Variants in SCGN observed in about 807,000 individuals in gnomAD.
SCGN encodes secretagogin, EF-hand calcium binding protein, also known as secretagogin.
Under a neutral mutation model 39.7 loss-of-function variants are expected in SCGN, and 30 were observed. That is an observed-to-expected ratio of 0.76 (90% CI 0.57 to 1.03). The LOEUF (loss-of-function observed/expected upper bound fraction) is 1.03. Ranked by LOEUF, SCGN falls within the 50% of genes least tolerant of loss-of-function variation. The pLI is 0.00. For synonymous variants in SCGN, 106 were observed against 114.1 expected, an observed-to-expected ratio of 0.93 and a Z score of 0.45; for missense variants, 353 against 349.4, an observed-to-expected ratio of 1.01 and a Z score of -0.08.
chr6:25,695,317 T>C (rs7751690), intron 10 of SCGN, among the ~76,000 whole-genome samples: 148,883 of 152,282 alleles, frequency 0.98, 72,858 homozygotes, highest in South Asian at 1. Flanking sequence ...TAAGTATACA[T>C]CCATGAAACC....
chr6:25,670,776 T>C (rs1489577818), intron 6 of SCGN, among the ~76,000 whole-genome samples: 1 of 152,104 alleles, frequency 6.6e-6, no homozygotes, highest in Non-Finnish European at 1.5e-5. Flanking sequence ...CCATGGAGAG[T>C]AGTAAAGTAG....
intron 7 of SCGN, among the ~76,000 whole-genome samples, chr6:25,685,585 T>C (rs1181286607): frequency 6.6e-6 from 1 of 152,104 alleles, no homozygotes; most frequent in African/African-American, 2.4e-5. Context: ...CTATATATCC[T>C]CATGACTATG....
In SCGN at chr6:25,701,348, T is replaced by C. The variant is rs1364324900; in HGVS notation, c.*13T>C. 6.2e-7 allele frequency: 1 copy of C among 1,608,202 alleles called. No individual in the cohort carries two copies. The highest frequency in any genetic ancestry group is 2.2e-5 in the East Asian group (1 of 44,574). ...AATCAACCCATAATCCCAGACTGCT[T>C]TGCCTTTTGCTCTTACTATGTTTCT... On this transcript the variant is annotated 3_prime_UTR_variant, in exon 11 of 11. Transcript: ENST00000377961.
intron 10 of SCGN, among the ~76,000 whole-genome samples, chr6:25,694,580 C>G (rs1759815484): frequency 6.6e-6 from 1 of 152,208 alleles, no homozygotes; most frequent in African/African-American, 2.4e-5. Context: ...TCCTAGAGAC[C>G]AAGTCAGACT....
At chr6:25,697,355 A>T (rs765366432) in intron 10 of SCGN, among the ~76,000 whole-genome samples, 2 of 152,224 alleles carry the variant, frequency 1.3e-5, no homozygotes, top group Non-Finnish European at 2.9e-5. Context: ...TTACAGAATA[A>T]GGTTCTGGTT....
chr6:25,693,451 C>CAAAAAAAAAA (rs11376402), intron 10 of SCGN, among the ~76,000 whole-genome samples: 3 of 48,424 alleles, frequency 6.2e-5, no homozygotes, highest in Non-Finnish European at 1.1e-4. Context: ...GACTCCGTCT[C>CAAAAAAAAAA]AAAAAAAAAA....
At chr6:25,673,651 T>G (rs1221468530) in intron 6 of SCGN, among the ~76,000 whole-genome samples, 1 of 152,206 alleles carries the variant, frequency 6.6e-6, no homozygotes, top group Non-Finnish European at 1.5e-5. Context: ...TATGTCTGTT[T>G]AATTGCCCAC....
intron 2 of SCGN, among the ~76,000 whole-genome samples, chr6:25,657,329 T>G (rs1760245218): frequency 6.6e-6 from 1 of 152,184 alleles, no homozygotes; most frequent in Non-Finnish European, 1.5e-5. Context: ...ATTCCCTGTC[T>G]CTCCATCTAG....
intron 2 of SCGN, among the ~76,000 whole-genome samples, chr6:25,657,988 A>T (rs1760257332): frequency 1.3e-5 from 1 of 74,324 alleles, no homozygotes; most frequent in Non-Finnish European, 2.7e-5. Context: ...GTGTGTGTTC[A>T]TTTAGAAAGG....
chr6:25,675,403 C>A (rs759177224), intron 6 of SCGN, among the ~76,000 whole-genome samples: 2 of 152,220 alleles, frequency 1.3e-5, no homozygotes, highest in Non-Finnish European at 2.9e-5. Flanking sequence ...TGCTTGGCAA[C>A]GGTTATGTGC....
intron 1 of SCGN, 113 bp downstream of exon 1, chr6:25,652,598 G>T: frequency 1.1e-6 from 1 of 882,902 alleles, no homozygotes. Flanking sequence ...GACCTGGGTT[G>T]TTAATGCAGT....
At chr6:25,655,358 G>A (rs1760208860) in intron 2 of SCGN, among the ~76,000 whole-genome samples, 1 of 152,170 alleles carries the variant, frequency 6.6e-6, no homozygotes, top group African/African-American at 2.4e-5. Flanking sequence ...TGAGGATGCT[G>A]TGAGATATCT....
In SCGN at chr6:25,658,417, T is replaced by G. The variant is rs534387021; in HGVS notation, c.154-3135T>G. On this transcript the variant is annotated intron_variant, in intron 2 of 10. Transcript: ENST00000377961. ...CCATATGAGTATGTTTGGTTGATGT[T>G]GACAGAGTCAGACTGTCTAAGTCCT... 1.5e-4 allele frequency among the ~76,000 whole-genome samples: 23 copies of G among 152,192 alleles called. No individual in the cohort carries two copies. In the South Asian group the frequency reaches 4.6e-3, roughly 30 times the overall value.
chr6:25,683,457 G>A (rs1372499317), intron 7 of SCGN, among the ~76,000 whole-genome samples: 1 of 152,200 alleles, frequency 6.6e-6, no homozygotes, highest in Non-Finnish European at 1.5e-5. Context: ...TGTGCCCTGG[G>A]AGGCTGGGGT....
chr6:25,670,123 C>A (rs79348589), intron 6 of SCGN, 47 bp downstream of exon 6: 52,539 of 1,267,582 alleles, frequency 0.041, 1,578 homozygotes, highest in South Asian at 0.11. Flanking sequence ...TCCCCCACTC[C>A]CTCCCCAGAC....
intron 6 of SCGN, among the ~76,000 whole-genome samples, chr6:25,680,321 G>T (rs1238754226): frequency 6.6e-6 from 1 of 152,162 alleles, no homozygotes; most frequent in Non-Finnish European, 1.5e-5. Context: ...GAGCTACAGA[G>T]GCCCCAGGAA....
rs1760224939 is a variant in SCGN, at chr6:25,656,257, C to T, written c.153+2805C>T. 2.6e-5 allele frequency among the ~76,000 whole-genome samples: 4 copies of T among 152,306 alleles called. 1 individual carries two copies. The South Asian group carries it at 8.3e-4, about 32-fold the overall frequency. On this transcript the variant is annotated intron_variant, in intron 2 of 10. Coordinates refer to ENST00000377961, the MANE Select transcript of SCGN (RefSeq NM_006998.4). ...CAGCAGGGAGGCCTCCACAATCAGG[C>T]AGCCCCTTGCTCTGGTGTTCAGCAG...
intron 10 of SCGN, among the ~76,000 whole-genome samples, chr6:25,694,476 C>T (rs1272935828): frequency 5.9e-5 from 9 of 152,178 alleles, no homozygotes; most frequent in Non-Finnish European, 1.0e-4. Context: ...TGAAGATCCT[C>T]GCCCCTTTTA....
chr6:25,657,072 G>A (rs1037552089), intron 2 of SCGN, among the ~76,000 whole-genome samples: 1 of 152,166 alleles, frequency 6.6e-6, no homozygotes, highest in Non-Finnish European at 1.5e-5. Context: ...TATGGTACAT[G>A]AACCCTCAAA....
Sources: gnomAD v4.1 joint callset for allele counts (sites outside exome capture counted in the v4.1 genomes callset) on GRCh38, gnomAD v4.1.1 for gene constraint, MANE v1.5 for transcripts, NCBI Gene and HGNC (gene_info 2026-07-23, HGNC 2026-07-21) for gene names.